Variants in KCNH7 observed in about 807,000 individuals in gnomAD.
The protein encoded by KCNH7 is potassium voltage-gated channel subfamily H member 7, also known as voltage-gated inwardly rectifying potassium channel KCNH7.
A neutral mutation model predicts 120.8 loss-of-function variants in KCNH7; 49 were observed. That is an observed-to-expected ratio of 0.41 (90% CI 0.32 to 0.51). The LOEUF is 0.51. Ranked by LOEUF, KCNH7 falls within the 20% of genes least tolerant of loss-of-function variation. The probability of loss-of-function intolerance (pLI) is 0.38; values close to 1 mark genes in which losing one functional copy is unlikely to be tolerated. For synonymous variants in KCNH7, 547 were observed against 516.1 expected, an observed-to-expected ratio of 1.06 and a Z score of -0.81; for missense variants, 1,097 against 1,446.6, an observed-to-expected ratio of 0.76 and a Z score of 3.92.
At chr2:162,713,126 G>A (rs1482187163) in intron 2 of KCNH7, among the ~76,000 whole-genome samples, 1 of 152,076 alleles carries the variant, frequency 6.6e-6, no homozygotes, top group Non-Finnish European at 1.5e-5. Flanking sequence ...GGCTTCCCCA[G>A]GCTGGTCTGT....
At chr2:162,739,287 C>A (rs1160433155) in intron 2 of KCNH7, among the ~76,000 whole-genome samples, 3 of 152,154 alleles carry the variant, frequency 2.0e-5, no homozygotes, top group Admixed American at 6.5e-5. Context: ...GCTTCAAATT[C>A]CTGCTAAATG....
At chr2:162,776,204 C>T (rs1194995922) in intron 2 of KCNH7, among the ~76,000 whole-genome samples, 3 of 152,058 alleles carry the variant, frequency 2.0e-5, no homozygotes, top group Non-Finnish European at 4.4e-5. Flanking sequence ...ATAAATGATC[C>T]CTTCCTAGTG....
intron 6 of KCNH7, among the ~76,000 whole-genome samples, chr2:162,472,004 A>G (rs540679474): frequency 6.6e-6 from 1 of 152,342 alleles, no homozygotes; most frequent in South Asian, 2.1e-4. Flanking sequence ...TCCCTATTTA[A>G]TAAATGGTGC....
chr2:162,673,797 G>A (rs1685442782), intron 2 of KCNH7, among the ~76,000 whole-genome samples: 1 of 151,816 alleles, frequency 6.6e-6, no homozygotes, highest in Non-Finnish European at 1.5e-5. Context: ...GCAAAACCTT[G>A]TGATAATCTT....
intron 2 of KCNH7, among the ~76,000 whole-genome samples, chr2:162,615,127 T>G (rs935158650): frequency 1.3e-5 from 2 of 152,150 alleles, no homozygotes; most frequent in African/African-American, 4.8e-5. Context: ...GGTATATCAC[T>G]TGTGGTTTTC....
At chr2:162,645,790 C>T (rs1034616416) in intron 2 of KCNH7, among the ~76,000 whole-genome samples, 5 of 152,118 alleles carry the variant, frequency 3.3e-5, no homozygotes, top group African/African-American at 1.2e-4. Context: ...GTCCTCTTTC[C>T]CAAATGAGGT....
intron 2 of KCNH7, among the ~76,000 whole-genome samples, chr2:162,786,758 A>C (rs1683722178): frequency 6.6e-6 from 1 of 152,206 alleles, no homozygotes; most frequent in African/African-American, 2.4e-5. Context: ...TGCATGATTT[A>C]AAAATAAATA....
intron 9 of KCNH7, among the ~76,000 whole-genome samples, chr2:162,407,998 T>C (rs1316337789): frequency 2.0e-5 from 3 of 152,070 alleles, no homozygotes; most frequent in Non-Finnish European, 4.4e-5. Flanking sequence ...CAACATCATG[T>C]GGGGAATATA....
At chr2:162,424,243 A>C (rs1322542972) in intron 8 of KCNH7, among the ~76,000 whole-genome samples, 2 of 152,094 alleles carry the variant, frequency 1.3e-5, no homozygotes, top group Non-Finnish European at 2.9e-5. Context: ...TTGTTCTTTC[A>C]TCTATGGGAA....
intron 12 of KCNH7, among the ~76,000 whole-genome samples, chr2:162,385,608 G>A (rs1354912739): frequency 6.6e-6 from 1 of 151,882 alleles, no homozygotes; most frequent in Non-Finnish European, 1.5e-5. Flanking sequence ...CAGTCCTGAA[G>A]GTTGTGTTAG....
intron 1 of KCNH7, 118 bp downstream of exon 1, chr2:162,838,325 C>T: frequency 1.3e-6 from 1 of 763,730 alleles, no homozygotes. Flanking sequence ...CTCGGTTTCA[C>T]AGCCTCTTAA....
At chr2:162,463,607 G>T (rs561710130) in intron 6 of KCNH7, among the ~76,000 whole-genome samples, 1 of 151,944 alleles carries the variant, frequency 6.6e-6, no homozygotes, top group Non-Finnish European at 1.5e-5. Context: ...GCTAAAATGT[G>T]ACCCACATGG....
intron 9 of KCNH7, among the ~76,000 whole-genome samples, chr2:162,405,349 A>C (rs1428233771): frequency 1.3e-5 from 2 of 151,998 alleles, no homozygotes; most frequent in African/African-American, 4.8e-5. Flanking sequence ...CCCCAAATTT[A>C]AAGACATTCA....
At chr2:162,567,844 T>G (rs1693312103) in intron 2 of KCNH7, among the ~76,000 whole-genome samples, 1 of 152,024 alleles carries the variant, frequency 6.6e-6, no homozygotes, top group South Asian at 2.1e-4. Flanking sequence ...AGACTATATA[T>G]AGGATGGTGG....
Position 162,784,270 on chromosome 2 carries a change from C to T in KCNH7, c.307+52267G>A, listed in dbSNP as rs149073740. On this transcript the variant is annotated intron_variant, in intron 2 of 15. Coordinates refer to ENST00000332142, the MANE Select transcript of KCNH7 (RefSeq NM_033272.4). ...TCCCTATCACATTGTTTTATTTAATCTTCATGACCATCCTGTGGGCTGCTT... is the reference window on the plus strand; with the variant it reads ...TCCCTATCACATTGTTTTATTTAATTTTCATGACCATCCTGTGGGCTGCTT... 5.0e-3 allele frequency among the ~76,000 whole-genome samples: 768 copies of T among 152,162 alleles called. 9 individuals carry two copies. The highest frequency in any genetic ancestry group is 0.017 in the African/African-American group (722 of 41,528).
At chr2:162,608,951 T>C (rs1485658304) in intron 2 of KCNH7, among the ~76,000 whole-genome samples, 5 of 152,218 alleles carry the variant, frequency 3.3e-5, no homozygotes, top group African/African-American at 1.2e-4. Flanking sequence ...TTACAAGTGC[T>C]ATTCCCTTTG....
At chr2:162,436,634 A>G (rs1688246855) in intron 7 of KCNH7, among the ~76,000 whole-genome samples, 1 of 152,142 alleles carries the variant, frequency 6.6e-6, no homozygotes, top group Non-Finnish European at 1.5e-5. Flanking sequence ...CATGGTGTTT[A>G]CCAATCAATT....
At chr2:162,788,999 A>T (rs1371777745) in intron 2 of KCNH7, among the ~76,000 whole-genome samples, 1 of 151,186 alleles carries the variant, frequency 6.6e-6, no homozygotes, top group Non-Finnish European at 1.5e-5. Flanking sequence ...AAAAAAAAAA[A>T]AAAAAAAAAA....
At chr2:162,752,902 G>GAAAAAAGAAA (rs140501872) in intron 2 of KCNH7, among the ~76,000 whole-genome samples, 4 of 61,280 alleles carry the variant, frequency 6.5e-5, no homozygotes, top group South Asian at 4.8e-4. Context: ...CTACATCTCA[G>GAAAAAAGAAA]AAAAAGAAAA....
Sources: allele counts gnomAD v4.1 joint callset (sites outside exome capture counted in the v4.1 genomes callset), GRCh38; gene constraint gnomAD v4.1.1; transcripts MANE v1.5; gene names NCBI Gene and HGNC (gene_info 2026-07-23, HGNC 2026-07-21).